The following METTL15 variants were observed in gnomAD, a reference collection of about 807,000 sequenced individuals.
METTL15 encodes the protein 12S rRNA N(4)-cytidine methyltransferase METTL15.
A neutral mutation model predicts 38.3 loss-of-function variants in METTL15; 34 were observed. The observed-to-expected ratio is 0.89, with a 90% CI of 0.68 to 1.18. The LOEUF (loss-of-function observed/expected upper bound fraction) is 1.18, where lower values mean the gene tolerates loss of function less well. Ranked by LOEUF, METTL15 falls within the 50% of genes most tolerant of loss-of-function variation. The pLI is 0.00. For synonymous variants in METTL15, 162 were observed against 170.9 expected (o/e 0.95, Z 0.41); for missense variants, 438 against 498.4 (o/e 0.88, Z 1.15).
chr11:28,194,061 T>G (rs1851797788), intron 3 of METTL15, among the ~76,000 whole-genome samples: 3 of 152,096 alleles, frequency 2.0e-5, no homozygotes, highest in Admixed American at 6.6e-5. Context: ...CCAAAATAGC[T>G]CTGTCATTTA....
chr11:28,226,670 A>G (rs1565183655), intron 4 of METTL15, among the ~76,000 whole-genome samples: 2 of 151,936 alleles, frequency 1.3e-5, no homozygotes, highest in Non-Finnish European at 2.9e-5. Context: ...CACCACTACA[A>G]TATTATTCAA....
chr11:28,180,935 A>G (rs1851260576), intron 3 of METTL15, among the ~76,000 whole-genome samples: 1 of 151,794 alleles, frequency 6.6e-6, no homozygotes, highest in Non-Finnish European at 1.5e-5. Context: ...AATGAAATGT[A>G]CATGCACGTT....
intron 6 of METTL15, among the ~76,000 whole-genome samples, chr11:28,319,928 C>G (rs191757037): frequency 1.3e-5 from 2 of 152,096 alleles, no homozygotes; most frequent in African/African-American, 4.8e-5. Flanking sequence ...AAATGCTGTG[C>G]GATACAGAGT....
At chr11:28,449,022 A>G (rs988945195) in intron 6 of METTL15, among the ~76,000 whole-genome samples, 1 of 152,148 alleles carries the variant, frequency 6.6e-6, no homozygotes, top group Non-Finnish European at 1.5e-5. Context: ...TGTTGAGAAT[A>G]AACTTCAGTT....
In METTL15 at chr11:28,186,986, T is replaced by C. The variant is rs118075711; in HGVS notation, c.271-24076T>C. Among the ~76,000 whole-genome samples the C allele has an allele frequency of 3.4e-3, 508 of 151,268 alleles. 3 individuals are homozygous for C. The highest frequency in any genetic ancestry group is 0.014 in the Middle Eastern group (4 of 294). ...AAAATAACTACAGTGTTAATATACT[T>C]ATAAAGAAACTTCTTAAAAATATAA... On this transcript the variant is annotated intron_variant, in intron 3 of 6. Coordinates refer to ENST00000407364, the MANE Select transcript of METTL15 (RefSeq NM_001113528.2).
chr11:28,456,704 T>A (rs1271831563), intron 6 of METTL15, among the ~76,000 whole-genome samples: 2 of 152,130 alleles, frequency 1.3e-5, no homozygotes, highest in Non-Finnish European at 2.9e-5. Flanking sequence ...CTTCCCACAG[T>A]GCTGGGATTA....
chr11:28,198,348 A>G (rs1776938833), intron 3 of METTL15, among the ~76,000 whole-genome samples: 6 of 152,122 alleles, frequency 3.9e-5, no homozygotes, highest in Non-Finnish European at 2.9e-5. Context: ...ATCACAAAGA[A>G]TGATAAATAC....
intron 5 of METTL15, among the ~76,000 whole-genome samples, chr11:28,421,248 G>A (rs1159970857): frequency 6.6e-6 from 1 of 151,920 alleles, no homozygotes; most frequent in Non-Finnish European, 1.5e-5. Context: ...AAAAGCCTAG[G>A]TCTTGGCGGA....
At chr11:28,378,201 G>A (rs1413492214) in intron 5 of METTL15, among the ~76,000 whole-genome samples, 4 of 152,194 alleles carry the variant, frequency 2.6e-5, no homozygotes, top group South Asian at 4.1e-4. Context: ...GAGCTTCCTG[G>A]CTCCTTTGTT....
intron 6 of METTL15, among the ~76,000 whole-genome samples, chr11:28,494,661 G>A: frequency 6.6e-6 from 1 of 152,174 alleles, no homozygotes; most frequent in Admixed American, 6.5e-5. Flanking sequence ...TCAGTGGGAG[G>A]TAATTGTATC....
intron 6 of METTL15, among the ~76,000 whole-genome samples, chr11:28,449,271 A>G (rs182371647): frequency 5.1e-4 from 78 of 152,266 alleles, no homozygotes; most frequent in African/African-American, 1.8e-3. Flanking sequence ...CTATAATGAT[A>G]TTTTGGGCTG....
intron 4 of METTL15, among the ~76,000 whole-genome samples, chr11:28,239,712 C>T (rs1010806910): frequency 6.6e-6 from 1 of 152,172 alleles, no homozygotes; most frequent in Non-Finnish European, 1.5e-5. Context: ...AAGCCATTTC[C>T]TCTTCCCAGA....
At chr11:28,307,327 A>T (rs1365794428) in intron 6 of METTL15, among the ~76,000 whole-genome samples, 2 of 151,954 alleles carry the variant, frequency 1.3e-5, no homozygotes, top group African/African-American at 4.8e-5. Context: ...TGTCTTCTTC[A>T]TTGGTGCATC....
At chr11:28,223,178 G>GTA (rs1423596090) in intron 4 of METTL15, among the ~76,000 whole-genome samples, 5 of 152,094 alleles carry the variant, frequency 3.3e-5, no homozygotes, top group Non-Finnish European at 5.9e-5. Context: ...CATCGCTTGT[G>GTA]TATATATAAT....
downstream of METTL15, among the ~76,000 whole-genome samples, chr11:28,531,554 C>T (rs1414433460): frequency 6.6e-6 from 1 of 152,018 alleles, no homozygotes; most frequent in African/African-American, 2.4e-5. Flanking sequence ...CAGCAAGTCA[C>T]TGAATCTCTC....
At chr11:28,238,098 C>T (rs899656629) in intron 4 of METTL15, among the ~76,000 whole-genome samples, 1 of 152,246 alleles carries the variant, frequency 6.6e-6, no homozygotes, top group African/African-American at 2.4e-5. Context: ...TCTCAAATCT[C>T]TAGCTGTGTG....
chr11:28,137,011 C>T (rs1311477726), intron 3 of METTL15, among the ~76,000 whole-genome samples: 2 of 147,938 alleles, frequency 1.4e-5, no homozygotes, highest in Admixed American at 6.9e-5. Flanking sequence ...CTATTAATGT[C>T]AACCCCAATT....
At chr11:28,250,007 G>T (rs1187619970) in intron 4 of METTL15, among the ~76,000 whole-genome samples, 1 of 151,950 alleles carries the variant, frequency 6.6e-6, no homozygotes, top group African/African-American at 2.4e-5. Context: ...AGTTTGCTTA[G>T]GATAATGACC....
At chr11:28,528,408 A>G (rs1419003982), downstream of METTL15, among the ~76,000 whole-genome samples, 1 of 152,212 alleles carries the variant, frequency 6.6e-6, no homozygotes, top group Non-Finnish European at 1.5e-5. Context: ...GAGGACTTAA[A>G]GGAACAGTCA....
Sources: gnomAD v4.1 joint callset for allele counts (sites outside exome capture counted in the v4.1 genomes callset) on GRCh38, gnomAD v4.1.1 for gene constraint, MANE v1.5 for transcripts, NCBI Gene and HGNC (gene_info 2026-07-23, HGNC 2026-07-21) for gene names.